The following ROBO1 variants were observed in gnomAD, a reference collection of about 807,000 sequenced individuals.
The protein encoded by ROBO1 is roundabout homolog 1.
Under a neutral mutation model 195.9 loss-of-function variants are expected in ROBO1, and 149 were observed. The observed-to-expected ratio is 0.76, with a 90% CI of 0.67 to 0.87. The LOEUF (loss-of-function observed/expected upper bound fraction) is 0.87. Among genes scored for constraint, ROBO1 ranks in the 40% least tolerant of loss-of-function variants. The probability of loss-of-function intolerance (pLI) is 0.00; values close to 1 mark genes in which losing one functional copy is unlikely to be tolerated. For missense variants in ROBO1, 1,933 were observed against 2,068.3 expected (o/e 0.93, Z 1.27); for synonymous variants, 816 against 733.2 (o/e 1.11, Z -1.82).
At chr3:79,415,212 A>G (rs2037950298) in intron 2 of ROBO1, among the ~76,000 whole-genome samples, 1 of 152,188 alleles carries the variant, frequency 6.6e-6, no homozygotes, top group Admixed American at 6.6e-5. Flanking sequence ...ATTTTGTAGA[A>G]CAACTGCAAG....
intron 3 of ROBO1, among the ~76,000 whole-genome samples, chr3:78,987,104 T>A (rs990787489): frequency 7.0e-6 from 1 of 142,938 alleles, no homozygotes; most frequent in East Asian, 2.1e-4. Flanking sequence ...GTACTCTAAG[T>A]TTCTGGAAGG....
chr3:79,508,557 T>G (rs1940534112), intron 2 of ROBO1, among the ~76,000 whole-genome samples: 1 of 152,196 alleles, frequency 6.6e-6, no homozygotes, highest in South Asian at 2.1e-4. Context: ...TCATTAACAC[T>G]TTTTTATTGC....
At chr3:79,173,198 G>A (rs1300523873) in intron 2 of ROBO1, among the ~76,000 whole-genome samples, 2 of 152,046 alleles carry the variant, frequency 1.3e-5, no homozygotes, top group Non-Finnish European at 2.9e-5. Flanking sequence ...GCCCTCACTC[G>A]CTCTCGGTGC....
chr3:78,885,412 T>TAAAAAAAAAA (rs59912706), intron 4 of ROBO1, among the ~76,000 whole-genome samples: 11 of 53,698 alleles, frequency 2.0e-4, no homozygotes, highest in East Asian at 8.1e-4. Context: ...AATTTAAAAC[T>TAAAAAAAAAA]AAAAAAAAAA....
At chr3:78,832,705 C>A (rs956602968) in intron 4 of ROBO1, among the ~76,000 whole-genome samples, 27 of 151,934 alleles carry the variant, frequency 1.8e-4, no homozygotes, top group Non-Finnish European at 4.0e-4. Flanking sequence ...TGATATCTAA[C>A]GAGGTTAGGC....
At chr3:79,714,187 G>A (rs1702385748) in intron 1 of ROBO1, among the ~76,000 whole-genome samples, 1 of 152,078 alleles carries the variant, frequency 6.6e-6, no homozygotes. Context: ...AGTGGGAGAA[G>A]GATATGAACA....
Position 79,724,245 on chromosome 3 carries a change from T to C in ROBO1, c.-51+43507A>G, listed in dbSNP as rs567439700. On this transcript the variant is annotated intron_variant, in intron 1 of 30. Transcript: ENST00000464233. ...ACATTGGAATTATTTTCAATTCCTT[T>C]ACATTTTTTATTTTAAGATGGTTAA... Among the ~76,000 whole-genome samples, 11 of 152,350 alleles carry C rather than the reference T, an allele frequency of 7.2e-5. 1 individual carries two copies. In the South Asian group the frequency reaches 2.3e-3, roughly 32 times the overall value.
At chr3:79,453,042 G>A (rs1487272798) in intron 2 of ROBO1, among the ~76,000 whole-genome samples, 1 of 152,004 alleles carries the variant, frequency 6.6e-6, no homozygotes, top group African/African-American at 2.4e-5. Context: ...AAGGGAAGAG[G>A]CTAAAGTTGA....
chr3:79,507,064 G>T (rs1424281471), intron 2 of ROBO1, among the ~76,000 whole-genome samples: 1 of 152,180 alleles, frequency 6.6e-6, no homozygotes, highest in African/African-American at 2.4e-5. Context: ...CTCCTCTTGA[G>T]CCCTGGCACT....
chr3:78,665,193 T>C (rs1707662310), intron 14 of ROBO1, among the ~76,000 whole-genome samples: 1 of 152,148 alleles, frequency 6.6e-6, no homozygotes, highest in South Asian at 2.1e-4. Flanking sequence ...AACAAACACA[T>C]TACTCCATTC....
intron 2 of ROBO1, among the ~76,000 whole-genome samples, chr3:79,489,535 G>A (rs1265099257): frequency 6.6e-6 from 1 of 151,476 alleles, no homozygotes; most frequent in African/African-American, 2.4e-5. Context: ...CACACCTGTA[G>A]TCCCAGCTAC....
At chr3:78,778,626 CA>C in intron 4 of ROBO1, among the ~76,000 whole-genome samples, 1 of 152,082 alleles carries the variant, frequency 6.6e-6, no homozygotes. Context: ...AAAGAGGACA[CA>C]AATGGAAAAA....
In ROBO1 at chr3:78,600,320, A is replaced by AAAT. The variant is rs759769087; in HGVS notation, c.4745-14_4745-12dup. ...AAGGTAGAATATCCTCTGTGTAATG[A>AAAT]AATATAATAAATGCAGGTGAGTACC... On this transcript the variant is annotated splice_polypyrimidine_tract_variant and intron_variant, in intron 29 of 30. Transcript: ENST00000464233. 34 of 1,531,766 alleles carry AAAT rather than the reference A, an allele frequency of 2.2e-5. No individual in the cohort carries two copies. In the East Asian group the frequency reaches 7.4e-4, roughly 33 times the overall value. The allele number at this position is 1,531,766 out of a possible 1,614,324, so 94.9% of individuals were successfully genotyped here. A position where few individuals can be genotyped will look rare whatever the true frequency, so the allele number is the denominator to read the frequency against.
chr3:79,335,988 G>A (rs1576991657), intron 2 of ROBO1, among the ~76,000 whole-genome samples: 1 of 152,172 alleles, frequency 6.6e-6, no homozygotes. Flanking sequence ...CAAAGAGACT[G>A]GTGACATTTT....
chr3:78,925,097 A>C (rs1264778472), intron 4 of ROBO1, among the ~76,000 whole-genome samples: 1 of 152,106 alleles, frequency 6.6e-6, no homozygotes, highest in African/African-American at 2.4e-5. Context: ...CATTGAGGTA[A>C]ACTTTTACAC....
chr3:78,940,543 C>G (rs1332927526), intron 3 of ROBO1, among the ~76,000 whole-genome samples: 1 of 152,212 alleles, frequency 6.6e-6, no homozygotes, highest in Non-Finnish European at 1.5e-5. Flanking sequence ...CCACAAGTAC[C>G]TTGCGCATCC....
intron 2 of ROBO1, among the ~76,000 whole-genome samples, chr3:79,434,696 A>G (rs2038817046): frequency 1.3e-5 from 2 of 152,180 alleles, no homozygotes; most frequent in African/African-American, 4.8e-5. Flanking sequence ...CATTTGACCC[A>G]GCCATCCCAT....
intron 2 of ROBO1, among the ~76,000 whole-genome samples, chr3:79,198,532 G>T (rs1255258865): frequency 1.3e-5 from 2 of 151,958 alleles, no homozygotes; most frequent in Admixed American, 6.6e-5. Context: ...GTCTTTTTTG[G>T]TTCCACATGA....
intron 4 of ROBO1, among the ~76,000 whole-genome samples, chr3:78,909,412 A>G (rs2038114933): frequency 6.6e-6 from 1 of 151,878 alleles, no homozygotes; most frequent in Non-Finnish European, 1.5e-5. Context: ...AGCCAATGTG[A>G]GTCTTCTACT....
Sources: allele counts gnomAD v4.1 joint callset (sites outside exome capture counted in the v4.1 genomes callset), GRCh38; gene constraint gnomAD v4.1.1; transcripts MANE v1.5; gene names NCBI Gene and HGNC (gene_info 2026-07-23, HGNC 2026-07-21).